Variants in ITIH1 observed in about 807,000 individuals in gnomAD.
ITIH1 encodes inter-alpha-trypsin inhibitor heavy chain 1, also known as inter-alpha-trypsin inhibitor heavy chain H1.
A neutral mutation model predicts 104.6 loss-of-function variants in ITIH1; 94 were observed. The ratio of observed to expected loss-of-function variants is 0.90; its 90% CI spans 0.76 to 1.07. ITIH1 has a LOEUF of 1.07. ITIH1 is among the 50% of genes least tolerant of loss of function. The pLI is 0.00. For missense variants in ITIH1, 1,193 were observed against 1,181.4 expected (o/e 1.01, Z -0.14); for synonymous variants, 455 against 464.4 (o/e 0.98, Z 0.26).
intron 10 of ITIH1, among the ~76,000 whole-genome samples, chr3:52,783,863 G>A (rs986259736): frequency 6.6e-6 from 1 of 151,992 alleles, no homozygotes. Flanking sequence ...TGACTCCTGA[G>A]CTCAGTCTAG....
intron 1 of ITIH1, 54 bp downstream of exon 1, chr3:52,777,786 C>A: frequency 6.7e-7 from 1 of 1,484,560 alleles, no homozygotes. Context: ...GGATGAGGCC[C>A]CGGGCGGGAC....
chr3:52,787,359 C>T (rs936679906), intron 15 of ITIH1, among the ~76,000 whole-genome samples, 157 bp downstream of exon 15: 5 of 152,130 alleles, frequency 3.3e-5, no homozygotes, highest in Admixed American at 6.6e-5. Context: ...TCCACATCAC[C>T]GCGAACTCCC....
In ITIH1 at chr3:52,783,264, G is replaced by T. The variant is rs763377240; in HGVS notation, c.1150G>T (p.Val384Phe). 1 of 1,614,144 alleles carries T rather than the reference G, an allele frequency of 6.2e-7. No individual in the cohort carries two copies. The highest frequency in any genetic ancestry group is 1.1e-5 in the South Asian group (1 of 91,076). The change falls in exon 10 of 22, where the codon GTT becomes TTT. Residue 384 changes from valine (V) to phenylalanine (F), a missense_variant. Transcript: ENST00000273283. ...CCGGGGAATTGAGATCTTGAACCAA[G>T]TTCAGGAAAGCCTCCCAGAACTCAG... is the stretch of plus-strand genomic sequence containing the variant. ...LLRGIEILNQ[V>F]QESLPELSNH...
intron 15 of ITIH1, 134 bp from the exon 16 acceptor site, chr3:52,787,458 C>A: frequency 1.8e-6 from 2 of 1,110,560 alleles, no homozygotes; most frequent in Non-Finnish European, 2.7e-6. Context: ...TGTGAGGAGG[C>A]AGGACCCCAG....
At chr3:52,778,840 T>C in intron 3 of ITIH1, 102 bp from the exon 4 acceptor site, 1 of 1,079,090 alleles carries the variant, frequency 9.3e-7, no homozygotes. Context: ...GGAAGGCTCG[T>C]CAGGAGACGT....
rs759956846 is a variant in ITIH1 at position 52,786,389 on chromosome 3, A to T, written c.1688A>T (p.Glu563Val). The T allele has an allele frequency of 6.3e-7, 1 of 1,586,372 alleles. No individual in the cohort carries two copies. Among genetic ancestry groups the T allele is most frequent in the South Asian group, 1.2e-5 (1 of 86,790 alleles). Residue 563 changes from glutamate to valine, a missense_variant, in exon 13 of 22, where the codon GAG becomes GTG. Physicochemically the swap from Glu to Val is moderately radical, Grantham distance 121. Coordinates refer to ENST00000273283, the MANE Select transcript of ITIH1 (RefSeq NM_002215.4). ...GGCCACATGCTGGAGAACCACGTCG[A>T]GCGCCTCTGGGCCTACCTCACCATC... ...ERGHMLENHVERLWAYLTIQE... is the reference protein window; with the variant it reads ...ERGHMLENHVVRLWAYLTIQE...
intron 10 of ITIH1, among the ~76,000 whole-genome samples, chr3:52,783,981 G>C (rs1268194191): frequency 6.6e-6 from 1 of 152,168 alleles, no homozygotes; most frequent in East Asian, 1.9e-4. Context: ...GGCATGTGCA[G>C]AATGGGGTAA....
At chr3:52,790,694 A>C in intron 19 of ITIH1, 55 bp from the exon 20 acceptor site, 1 of 1,567,054 alleles carries the variant, frequency 6.4e-7, no homozygotes. Context: ...GGGCAGCTGA[A>C]TGGAGAGGGA....
chr3:52,790,984 C>A, intron 20 of ITIH1, 63 bp downstream of exon 20: 1 of 1,500,392 alleles, frequency 6.7e-7, no homozygotes, highest in South Asian at 1.3e-5. Flanking sequence ...ACATGTGGGA[C>A]CTGGGGCCAC....
intron 6 of ITIH1, among the ~76,000 whole-genome samples, chr3:52,780,869 C>T (rs1039844652): frequency 1.3e-5 from 2 of 152,242 alleles, no homozygotes; most frequent in African/African-American, 4.8e-5. Flanking sequence ...CCCTGGCTCA[C>T]CCCCACCCCA....
intron 8 of ITIH1, 74 bp downstream of exon 8, chr3:52,782,341 C>G: frequency 8.6e-7 from 1 of 1,164,786 alleles, no homozygotes; most frequent in Non-Finnish European, 1.3e-6. Context: ...GCCAGTTTTG[C>G]TGCCAGAGTC....
chr3:52,779,966 G>T lies in ITIH1; in HGVS notation c.574-303G>T, dbSNP rs371904835. 317 of 1,387,056 alleles carry T rather than the reference G, an allele frequency of 2.3e-4. No individual in the cohort carries two copies. The highest frequency in any genetic ancestry group is 2.8e-4 in the Non-Finnish European group (299 of 1,071,364). 85.9% of individuals were successfully genotyped at this position (1,387,056 alleles called of 1,614,324 possible). On this transcript the variant is annotated intron_variant, in intron 5 of 21. Transcript: ENST00000273283. This position sits in a 1 kb window ranked among gnomAD's most constrained non-coding sequence, Gnocchi z 4.4. ...GTGGTGGCTGAGTTGAGGGATGCAG[G>T]CATGTACACCTTCATTTGGTCAGTA...
rs149431719 is a variant in ITIH1 at position 52,784,399 on chromosome 3, T to G, written c.1329T>G (p.Phe443Leu). Residue 443 changes from phenylalanine (F) to leucine (L), a missense_variant, in exon 11 of 22, where the codon TTT becomes TTG. By Grantham distance (22) the Phe-to-Leu change is conservative. Transcript: ENST00000273283. Reference protein sequence around the residue: ...LGFGHNVDFNFLEVMSMENNG... With the variant: ...LGFGHNVDFNLLEVMSMENNG... The stretch of plus-strand genomic sequence containing the variant: ...TCGGCCACAATGTGGACTTTAACTT[T>G]CTGGAGGTCATGTCCATGGAGAACA... 3.1e-6 allele frequency: 5 copies of G among 1,614,006 alleles called. No homozygotes were observed. The highest frequency in any genetic ancestry group is 3.3e-5 in the Admixed American group (2 of 60,002).
chr3:52,784,354 C>A lies in ITIH1; in HGVS notation c.1284C>A (p.Phe428Leu), dbSNP rs1249580891. The A allele has an allele frequency of 6.2e-7, 1 of 1,614,168 alleles. No individual in the cohort carries two copies. Among genetic ancestry groups the A allele is most frequent in the Middle Eastern group, 1.7e-4 (1 of 6,060 alleles). ...KNVRNAIRGRFPLYNLGFGHN... is the reference protein window; with the variant it reads ...KNVRNAIRGRLPLYNLGFGHN... ...TCCGCAACGCCATCCGGGGCAGGTT[C>A]CCGCTCTACAACCTGGGTTTCGGCC... Residue 428 changes from phenylalanine to leucine, a missense_variant, in exon 11 of 22, where the codon TTC becomes TTA. Coordinates refer to ENST00000273283, the MANE Select transcript of ITIH1 (RefSeq NM_002215.4).
Position 52,790,911 on chromosome 3 carries a change from C to T in ITIH1, c.2484C>T (p.His828=), listed in dbSNP as rs552589549. The change falls in exon 20 of 22, where the codon CAC becomes CAT. Residue 828 remains histidine, a synonymous_variant. Transcript: ENST00000273283. ...GTCATCGGATGTCAGCCCGGACGCA[C>T]GGGCTGCTGGGTACGGCTGGCCAGG... ...LDSHRMSART[H]GLLGQFFHPI... is the part of the protein sequence containing the mutation. 1.1e-5 allele frequency: 17 copies of T among 1,601,966 alleles called. No individual in the cohort carries two copies. The highest frequency in any genetic ancestry group is 1.8e-5 in the Admixed American group (1 of 56,898).
At chr3:52,789,410 G>A (rs184524651) in intron 18 of ITIH1, among the ~76,000 whole-genome samples, 27 of 152,214 alleles carry the variant, frequency 1.8e-4, no homozygotes, top group Non-Finnish European at 3.5e-4. Flanking sequence ...GGGGAGGCAC[G>A]ACCTCCGTTA....
intron 8 of ITIH1, 127 bp from the exon 9 acceptor site, chr3:52,782,830 C>A: frequency 1.1e-6 from 1 of 921,998 alleles, no homozygotes; most frequent in Non-Finnish European, 1.7e-6. Flanking sequence ...TCGGGGCCAC[C>A]TGGTTGTCCT....
In ITIH1 at chr3:52,779,926, A is replaced by G; in HGVS notation, c.573+332A>G. ...CCGCGCAGCCTGAGGGCCTGGAATTATTGCTGGCACCTAAGTGGTGGCTGA... is the reference window on the plus strand; with the variant it reads ...CCGCGCAGCCTGAGGGCCTGGAATTGTTGCTGGCACCTAAGTGGTGGCTGA... On this transcript the variant is annotated intron_variant, in intron 5 of 21. Transcript: ENST00000273283. This position sits in a 1 kb window ranked among gnomAD's most constrained non-coding sequence, Gnocchi z 4.4. 1 of 1,377,180 alleles carries G rather than the reference A, an allele frequency of 7.3e-7. No individual in the cohort carries two copies. The highest frequency in any genetic ancestry group is 3.0e-5 in the Admixed American group (1 of 32,838). The allele number at this position is 1,377,180 out of a possible 1,614,324, so 85.3% of individuals were successfully genotyped here.
Position 52,783,090 on chromosome 3 carries a change from C to T in ITIH1, c.1064C>T (p.Ala355Val). 1 of 1,614,112 alleles carries T rather than the reference C, an allele frequency of 6.2e-7. No homozygotes were observed. The highest frequency in any genetic ancestry group is 8.5e-7 in the Non-Finnish European group (1 of 1,180,018). Residue 355 changes from alanine to valine, a missense_variant, in exon 9 of 22, where the codon GCT becomes GTT. Transcript: ENST00000273283. ...GCATCTGAGGCCAACCTACAAGCAGCTCAAGACTTTGTGCGGGGCTTTTCC... is the reference window on the plus strand; with the variant it reads ...GCATCTGAGGCCAACCTACAAGCAGTTCAAGACTTTGTGCGGGGCTTTTCC... ...VQASEANLQA[A>V]QDFVRGFSLD...
Sources: allele counts gnomAD v4.1 joint callset (sites outside exome capture counted in the v4.1 genomes callset), GRCh38; gene constraint gnomAD v4.1.1; non-coding constraint Gnocchi (gnomAD v3.1); transcripts MANE v1.5; gene names NCBI Gene and HGNC (gene_info 2026-07-23, HGNC 2026-07-21).